GDAP1: variants seen among roughly 807,000 people sequenced by gnomAD.
GDAP1 encodes ganglioside induced differentiation associated protein 1, also known as ganglioside-induced differentiation-associated protein 1.
Under a neutral mutation model 40.1 loss-of-function variants are expected in GDAP1, and 34 were observed. The ratio of observed to expected loss-of-function variants is 0.85; its 90% CI spans 0.64 to 1.13. GDAP1 has a LOEUF of 1.13. Among genes scored for constraint, GDAP1 ranks in the 50% most tolerant of loss-of-function variants. GDAP1 has a pLI of 0.00. For missense variants in GDAP1, 374 were observed against 433.7 expected (o/e 0.86, Z 1.22); for synonymous variants, 170 against 157.4 (o/e 1.08, Z -0.60).
intron 2 of GDAP1, among the ~76,000 whole-genome samples, chr8:74,455,168 A>T (rs1368476550): frequency 6.6e-6 from 1 of 152,010 alleles, no homozygotes; most frequent in Non-Finnish European, 1.5e-5. Flanking sequence ...CTTTAAAAAA[A>T]TAGTATTGGT....
At chr8:74,471,603 C>T (rs1445205729) in intron 2 of GDAP1, among the ~76,000 whole-genome samples, 1 of 152,106 alleles carries the variant, frequency 6.6e-6, no homozygotes, top group African/African-American at 2.4e-5. Context: ...CATGTATCTA[C>T]ATATACTGGT....
intron 2 of GDAP1, among the ~76,000 whole-genome samples, chr8:74,357,006 T>C (rs1809133846): frequency 6.6e-6 from 1 of 152,160 alleles, no homozygotes; most frequent in Admixed American, 6.5e-5. Context: ...TGAGCCACCG[T>C]GCCCAGCCTA....
At chr8:74,396,973 C>T (rs192535061) in intron 2 of GDAP1, among the ~76,000 whole-genome samples, 9 of 152,336 alleles carry the variant, frequency 5.9e-5, no homozygotes, top group Non-Finnish European at 8.8e-5. Flanking sequence ...GTCCCACCAA[C>T]AGTGTAAAAG....
At chr8:74,358,145 T>C (rs1809192487) in intron 2 of GDAP1, among the ~76,000 whole-genome samples, 1 of 152,232 alleles carries the variant, frequency 6.6e-6, no homozygotes, top group Admixed American at 6.5e-5. Context: ...AACGGCACAC[T>C]GAGTAGAAGA....
chr8:74,406,333 A>G (rs1409541124), intron 2 of GDAP1, among the ~76,000 whole-genome samples: 1 of 150,378 alleles, frequency 6.6e-6, no homozygotes, highest in Admixed American at 6.6e-5. Flanking sequence ...TAGGCTAGCA[A>G]TGATAAATAA....
chr8:74,391,043 G>A (rs1442064231), intron 2 of GDAP1, among the ~76,000 whole-genome samples: 1 of 152,044 alleles, frequency 6.6e-6, no homozygotes, highest in Admixed American at 6.6e-5. Flanking sequence ...CCACCAAGCT[G>A]GTTTCAGGTT....
intron 2 of GDAP1, among the ~76,000 whole-genome samples, chr8:74,388,068 C>G (rs1024329503): frequency 7.9e-5 from 12 of 151,900 alleles, no homozygotes; most frequent in Non-Finnish European, 1.5e-4. Context: ...TCTCTCTTTT[C>G]TTGTTTATTA....
intron 4 of GDAP1, among the ~76,000 whole-genome samples, chr8:74,362,329 C>T (rs1180402143): frequency 6.6e-6 from 1 of 152,122 alleles, no homozygotes; most frequent in Non-Finnish European, 1.5e-5. Context: ...ACTTGCTTTG[C>T]CCCCTGAGGA....
downstream of GDAP1, among the ~76,000 whole-genome samples, chr8:74,368,363 A>G (rs776125955): frequency 3.9e-5 from 6 of 152,220 alleles, no homozygotes; most frequent in Non-Finnish European, 8.8e-5. Flanking sequence ...TGCCAAATAC[A>G]TGTCATAAAA....
chr8:74,377,208 A>G (rs1809870547), intron 2 of GDAP1, among the ~76,000 whole-genome samples: 1 of 129,064 alleles, frequency 7.7e-6, no homozygotes, highest in Non-Finnish European at 1.6e-5. Context: ...GATGTTATCA[A>G]AGTTATAACT....
At chr8:74,429,975 A>G (rs1412457627) in intron 2 of GDAP1, among the ~76,000 whole-genome samples, 1 of 152,182 alleles carries the variant, frequency 6.6e-6, no homozygotes, top group Non-Finnish European at 1.5e-5. Context: ...CTGTTCTAAT[A>G]TACAGTGTCC....
Position 74,366,527 on chromosome 8 carries a change from A to ACTTATGT in GDAP1, c.*2161_*2167dup, listed in dbSNP as rs1461936992. 2.2e-6 allele frequency: 1 copy of ACTTATGT among 454,208 alleles called. No individual in the cohort carries two copies. Among genetic ancestry groups the ACTTATGT allele is most frequent in the Non-Finnish European group, 4.4e-6 (1 of 226,698 alleles). 28.1% of individuals were successfully genotyped at this position (454,208 alleles called of 1,614,324 possible). On this transcript the variant is annotated 3_prime_UTR_variant, in exon 6 of 6. Coordinates refer to ENST00000220822, the MANE Select transcript of GDAP1 (RefSeq NM_018972.4). ...TAAACACAGTATTAGCTAAATAGGC[A>ACTTATGT]CTTATGTGTATTTTCTTTTTCATGA...
chr8:74,351,539 C>A, intron 2 of GDAP1, 73 bp downstream of exon 2: 2 of 1,038,066 alleles, frequency 1.9e-6, no homozygotes, highest in South Asian at 1.3e-5. Flanking sequence ...CTCTTTTTCT[C>A]TCTCTCCTCT....
chr8:74,423,266 T>G (rs1324066483), intron 2 of GDAP1, among the ~76,000 whole-genome samples: 1 of 147,378 alleles, frequency 6.8e-6, no homozygotes, highest in Non-Finnish European at 1.5e-5. Flanking sequence ...GTATATGTGA[T>G]ATTATACTAT....
chr8:74,384,836 G>T (rs957754968), intron 2 of GDAP1, among the ~76,000 whole-genome samples: 2 of 152,070 alleles, frequency 1.3e-5, no homozygotes, highest in African/African-American at 4.8e-5. Flanking sequence ...TCTATATTTT[G>T]CAGTTACTAC....
At chr8:74,436,427 T>C (rs1168984582) in intron 2 of GDAP1, among the ~76,000 whole-genome samples, 1 of 150,940 alleles carries the variant, frequency 6.6e-6, no homozygotes, top group Non-Finnish European at 1.5e-5. Flanking sequence ...TTCCTTTTTT[T>C]TTTTTTTTTT....
intron 2 of GDAP1, among the ~76,000 whole-genome samples, chr8:74,477,788 G>T (rs560732912): frequency 2.8e-4 from 43 of 152,206 alleles, no homozygotes; most frequent in African/African-American, 9.9e-4. Context: ...CAGTGGCAAG[G>T]GCAGTGCAGT....
At chr8:74,371,487 C>T (rs967759732), downstream of GDAP1, among the ~76,000 whole-genome samples, 1 of 151,666 alleles carries the variant, frequency 6.6e-6, no homozygotes, top group Non-Finnish European at 1.5e-5. Context: ...GGTGAAACCC[C>T]GTCTCTACTA....
At chr8:74,449,104 C>T (rs991263208) in intron 2 of GDAP1, among the ~76,000 whole-genome samples, 2 of 151,680 alleles carry the variant, frequency 1.3e-5, no homozygotes, top group Admixed American at 6.6e-5. Context: ...ATTAAAAAAC[C>T]TTTCCTCCCC....
Sources: gnomAD v4.1 joint callset for allele counts (sites outside exome capture counted in the v4.1 genomes callset) on GRCh38, gnomAD v4.1.1 for gene constraint, MANE v1.5 for transcripts, NCBI Gene and HGNC (gene_info 2026-07-23, HGNC 2026-07-21) for gene names.